The following FYB2 variants were observed in gnomAD, a reference collection of about 807,000 sequenced individuals.
The protein encoded by FYB2 is FYN-binding protein 2.
FYB2 carries 103 observed loss-of-function variants against 94.1 expected under a neutral mutation model. The observed-to-expected ratio is 1.09, with a 90% confidence interval of 0.93 to 1.29. The LOEUF (loss-of-function observed/expected upper bound fraction) is 1.29. FYB2 is among the 50% of genes most tolerant of loss of function. FYB2 has a pLI of 0.00. For missense variants in FYB2, 896 were observed against 841.5 expected (o/e 1.06, Z -0.80); for synonymous variants, 293 against 287.9 (o/e 1.02, Z -0.18).
intron 1 of FYB2, among the ~76,000 whole-genome samples, chr1:56,796,705 T>TC (rs1646407642): frequency 6.6e-6 from 1 of 152,074 alleles, no homozygotes; most frequent in Non-Finnish European, 1.5e-5. Flanking sequence ...ACATTGGGCC[T>TC]CCCCCCAACA....
At chr1:56,720,411 TA>T (rs776995990) in intron 17 of FYB2, 82 bp from the exon 18 acceptor site, 10 of 1,280,194 alleles carry the variant, frequency 7.8e-6, no homozygotes, top group Non-Finnish European at 1.1e-5. Flanking sequence ...TATAATATAG[TA>T]ACTTCAAAAT....
intron 15 of FYB2, among the ~76,000 whole-genome samples, chr1:56,730,081 A>G (rs892355284): frequency 3.9e-5 from 6 of 152,096 alleles, no homozygotes; most frequent in Non-Finnish European, 7.4e-5. Flanking sequence ...CAAAAACTAG[A>G]AAGATTTCAA....
intron 1 of FYB2, among the ~76,000 whole-genome samples, chr1:56,807,796 G>A (rs1351732808): frequency 6.6e-6 from 1 of 152,138 alleles, no homozygotes; most frequent in Admixed American, 6.5e-5. Flanking sequence ...TCTGGACTTT[G>A]GAATCAGATA....
intron 11 of FYB2, among the ~76,000 whole-genome samples, chr1:56,743,095 A>T (rs1315391297): frequency 6.6e-6 from 1 of 151,952 alleles, no homozygotes. Context: ...ACTCTCAGCA[A>T]TTTTCAAGTA....
At chr1:56,726,284 A>G (rs78519994) in intron 16 of FYB2, among the ~76,000 whole-genome samples, 1,945 of 152,196 alleles carry the variant, frequency 0.013, 29 homozygotes, top group South Asian at 0.069. Context: ...AGGGAGGAAG[A>G]TGATGAAGAT....
At chr1:56,722,167 C>T (rs895571458) in intron 17 of FYB2, among the ~76,000 whole-genome samples, 2 of 152,046 alleles carry the variant, frequency 1.3e-5, no homozygotes, top group African/African-American at 2.4e-5. Flanking sequence ...ATCAGGGTTG[C>T]AGTAGATAAT....
intron 4 of FYB2, among the ~76,000 whole-genome samples, chr1:56,778,577 T>A (rs539776053): frequency 6.6e-6 from 1 of 152,270 alleles, no homozygotes; most frequent in South Asian, 2.1e-4. Context: ...TGTTCTAGAA[T>A]ATAAAAATAA....
chr1:56,729,451 T>C (rs988623491), intron 15 of FYB2, among the ~76,000 whole-genome samples: 1 of 151,978 alleles, frequency 6.6e-6, no homozygotes, highest in Non-Finnish European at 1.5e-5. Context: ...GTCACCAACA[T>C]AGAGATCAAA....
chr1:56,738,538 GCAGGAAGGGTTAC>G lies in FYB2; in HGVS notation c.1732+74_1732+86del, dbSNP rs1429955283. 2.3e-6 allele frequency: 3 copies of G among 1,319,608 alleles called. No homozygotes were observed. In the African/African-American group the frequency reaches 4.5e-5, roughly 20 times the overall value. The allele number at this position is 1,319,608 out of a possible 1,614,324, so 81.7% of individuals were successfully genotyped here. A position where few individuals can be genotyped will look rare whatever the true frequency, so the allele number is the denominator to read the frequency against. On this transcript the variant is annotated intron_variant, in intron 14 of 19. Transcript: ENST00000343433. ...GCAATTTTTCATCAAATGTGGGAAT[GCAGGAAGGGTTAC>G]CATTTCTCTTTCCCTGCCTCTGAAT... is the stretch of plus-strand genomic sequence containing the variant.
At position 56,748,765 on chromosome 1, in the gene FYB2, C is replaced by T. The variant is rs201243519; in HGVS notation, c.1387+2279G>A. 9.9e-5 allele frequency among the ~76,000 whole-genome samples: 15 copies of T among 151,998 alleles called. No individual in the cohort carries two copies. In the East Asian group the frequency reaches 1.6e-3, roughly 16 times the overall value. On this transcript the variant is annotated intron_variant, in intron 9 of 19. Transcript: ENST00000343433. ...ATATTTTGCTCCTTCCTCAATTTGA[C>T]GTTATTTTGTTGAATTAATGCTTTT...
rs770048168 is a variant in FYB2, at chr1:56,789,102, G to T, written c.790C>A (p.Pro264Thr). 5.0e-6 allele frequency: 8 copies of T among 1,606,612 alleles called. No homozygotes were observed. In the Middle Eastern group the frequency reaches 6.7e-4, roughly 134 times the overall value. Residue 264 changes from proline (P) to threonine (T), a missense_variant, in exon 3 of 20, where the codon CCC becomes ACC. Physicochemically the swap from Pro to Thr is conservative, Grantham distance 38. Transcript: ENST00000343433. ...ATGGAGGGCAATGGCTTTGTTTTGG[G>T]AAGGTGGTGATGCCTGACATCTGGC... is the stretch of plus-strand genomic sequence containing the variant. ...KQPDVRHHHLPKTKPLPSIDS... is the reference protein window; with the variant it reads ...KQPDVRHHHLTKTKPLPSIDS...
chr1:56,738,200 G>T (rs921598068), intron 14 of FYB2, among the ~76,000 whole-genome samples: 4 of 152,042 alleles, frequency 2.6e-5, no homozygotes, highest in Admixed American at 6.6e-5. Flanking sequence ...TTAGTTTGCT[G>T]GTGGCAATGT....
At chr1:56,743,252 A>G (rs541284307) in intron 11 of FYB2, among the ~76,000 whole-genome samples, 4 of 152,154 alleles carry the variant, frequency 2.6e-5, no homozygotes, top group East Asian at 1.9e-4. Context: ...GATTTTTTTG[A>G]ATATCTAACA....
In FYB2 at chr1:56,758,744, T is replaced by A. The variant is rs1455784672; in HGVS notation, c.1070A>T (p.Tyr357Phe). 1.9e-5 allele frequency: 30 copies of A among 1,597,890 alleles called. No homozygotes were observed. The highest frequency in any genetic ancestry group is 2.5e-5 in the Non-Finnish European group (29 of 1,171,744). The change falls in exon 6 of 20, where the codon TAT becomes TTT. Residue 357 changes from tyrosine to phenylalanine, a missense_variant. Physicochemically the swap from Tyr to Phe is conservative, Grantham distance 22. Transcript: ENST00000343433. ...TTGGAGTTCTTCAATTCCAACTTCA[T>A]AAGTTGCTAAAGTAAACATAAAAAA... ...CTAKEIADPT[Y>F]EVGIEELQKP...
At position 56,753,178 on chromosome 1, in the gene FYB2, T is replaced by A. The variant is rs115607347; in HGVS notation, c.1227+661A>T. ...AAGATAGGCACATCTCAAACAGGTA[T>A]CTAATGTGAGTACTGGCAATAGCCC... On this transcript the variant is annotated intron_variant, in intron 8 of 19. Transcript: ENST00000343433. Among the ~76,000 whole-genome samples the A allele has an allele frequency of 9.5e-3, 1,452 of 152,160 alleles. 24 individuals are homozygous for A. Among genetic ancestry groups the A allele is most frequent in the African/African-American group, 0.034 (1,397 of 41,540 alleles).
intron 1 of FYB2, among the ~76,000 whole-genome samples, chr1:56,811,709 C>T (rs1646770841): frequency 6.6e-6 from 1 of 152,196 alleles, no homozygotes; most frequent in Non-Finnish European, 1.5e-5. Context: ...CAATCCAATG[C>T]TATTTCGTCC....
intron 4 of FYB2, among the ~76,000 whole-genome samples, chr1:56,777,239 C>CAAAAAAAAAA (rs1453236717): frequency 0.057 from 274 of 4,842 alleles, 59 homozygotes; most frequent in Middle Eastern, 0.25. Flanking sequence ...GTCTCAAAAA[C>CAAAAAAAAAA]AAAAAAAAAA....
upstream of FYB2, chr1:56,824,224 A>G (rs753180853): frequency 6.6e-6 from 1 of 152,170 alleles, no homozygotes; most frequent in Non-Finnish European, 1.5e-5. Context: ...TATTGCTCAC[A>G]GTCGAGGAGT....
intron 4 of FYB2, among the ~76,000 whole-genome samples, chr1:56,786,927 C>T (rs1257378987): frequency 6.6e-6 from 1 of 152,140 alleles, no homozygotes; most frequent in Non-Finnish European, 1.5e-5. Context: ...TTACTGAACC[C>T]AAGTGTGTAA....
Sources: allele counts gnomAD v4.1 joint callset (sites outside exome capture counted in the v4.1 genomes callset), GRCh38; gene constraint gnomAD v4.1.1; transcripts MANE v1.5; gene names NCBI Gene and HGNC (gene_info 2026-07-23, HGNC 2026-07-21).